LSAMP: variants seen among roughly 807,000 people sequenced by gnomAD.
LSAMP encodes the protein limbic system-associated membrane protein.
A neutral mutation model predicts 38.6 loss-of-function variants in LSAMP; 7 were observed. That is an observed-to-expected ratio of 0.18 (90% CI 0.10 to 0.34). The LOEUF (loss-of-function observed/expected upper bound fraction) is 0.34. Among genes scored for constraint, LSAMP ranks in the 10% least tolerant of loss-of-function variants. The pLI, the probability that LSAMP is intolerant of heterozygous loss-of-function variation, is 1.00. For missense variants in LSAMP, 313 were observed against 420.0 expected (o/e 0.75, Z 2.23); for synonymous variants, 154 against 166.8 (o/e 0.92, Z 0.59).
intron 1 of LSAMP, among the ~76,000 whole-genome samples, chr3:116,268,453 G>C (rs2046922766): frequency 1.3e-5 from 2 of 152,040 alleles, no homozygotes; most frequent in African/African-American, 4.8e-5. Flanking sequence ...CTGAGGCATG[G>C]ACGGGGGATG....
chr3:116,387,403 A>G (rs1243733654), intron 1 of LSAMP, among the ~76,000 whole-genome samples: 1 of 152,228 alleles, frequency 6.6e-6, no homozygotes, highest in Non-Finnish European at 1.5e-5. Context: ...AACATCTAAT[A>G]TATACAGAGG....
intron 3 of LSAMP, among the ~76,000 whole-genome samples, chr3:116,012,800 C>T (rs1259660417): frequency 2.6e-5 from 4 of 152,054 alleles, no homozygotes; most frequent in Admixed American, 6.6e-5. Context: ...ACTATAGTTA[C>T]AATAAATAAT....
intron 3 of LSAMP, among the ~76,000 whole-genome samples, chr3:115,956,860 C>A (rs1041436917): frequency 6.6e-6 from 1 of 152,092 alleles, no homozygotes; most frequent in African/African-American, 2.4e-5. Flanking sequence ...GATTTAGGAT[C>A]TTCATCTCTT....
chr3:115,973,053 T>C (rs540248113), intron 3 of LSAMP, among the ~76,000 whole-genome samples: 1 of 152,184 alleles, frequency 6.6e-6, no homozygotes, highest in East Asian at 1.9e-4. Context: ...AAATGCGGTA[T>C]TGGATCTTTG....
intron 1 of LSAMP, among the ~76,000 whole-genome samples, chr3:116,303,269 A>G (rs1296402560): frequency 6.6e-6 from 1 of 152,154 alleles, no homozygotes; most frequent in African/African-American, 2.4e-5. Flanking sequence ...GATTTTTTTT[A>G]GAAAATTGCC....
At chr3:115,943,981 G>A (rs1938015660) in intron 3 of LSAMP, among the ~76,000 whole-genome samples, 1 of 152,102 alleles carries the variant, frequency 6.6e-6, no homozygotes, top group Admixed American at 6.6e-5. Flanking sequence ...AAAATCCAGG[G>A]ATTCCTTAAG....
intron 3 of LSAMP, among the ~76,000 whole-genome samples, chr3:115,880,202 T>C (rs1427645023): frequency 2.0e-5 from 3 of 151,992 alleles, no homozygotes; most frequent in African/African-American, 7.2e-5. Context: ...GAGAGAAAAA[T>C]GACTTAGGCT....
intron 1 of LSAMP, among the ~76,000 whole-genome samples, chr3:116,191,093 C>T (rs1033044346): frequency 1.3e-5 from 2 of 152,030 alleles, no homozygotes; most frequent in African/African-American, 4.8e-5. Context: ...CGTGGTGACT[C>T]GTGCCTGTAG....
intron 1 of LSAMP, among the ~76,000 whole-genome samples, chr3:116,311,560 T>C (rs1474405411): frequency 6.6e-6 from 1 of 152,194 alleles, no homozygotes; most frequent in Non-Finnish European, 1.5e-5. Flanking sequence ...GTATCTGTGT[T>C]TGAGCTCCAT....
intron 3 of LSAMP, among the ~76,000 whole-genome samples, chr3:115,986,913 T>G (rs1939525905): frequency 6.6e-6 from 1 of 152,144 alleles, no homozygotes; most frequent in Non-Finnish European, 1.5e-5. Context: ...ATATATGTGA[T>G]GAAGAGGGGA....
intron 1 of LSAMP, among the ~76,000 whole-genome samples, chr3:116,162,479 T>C (rs1709911270): frequency 6.6e-6 from 1 of 152,160 alleles, no homozygotes; most frequent in South Asian, 2.1e-4. Flanking sequence ...ACTCACTTTG[T>C]TATCAGAGTT....
intron 1 of LSAMP, among the ~76,000 whole-genome samples, chr3:116,209,713 T>A (rs1291343463): frequency 2.0e-5 from 3 of 152,258 alleles, no homozygotes; most frequent in Admixed American, 2.0e-4. Context: ...GGGTCTCTGA[T>A]TGAACAAATA....
At chr3:116,160,034 C>T (rs62269187) in intron 1 of LSAMP, among the ~76,000 whole-genome samples, 37,513 of 152,014 alleles carry the variant, frequency 0.25, 4,671 homozygotes, top group Admixed American at 0.29. Flanking sequence ...AATGAGTACA[C>T]ATGGACACAA....
At chr3:115,996,875 C>A (rs1291749391) in intron 3 of LSAMP, among the ~76,000 whole-genome samples, 1 of 152,068 alleles carries the variant, frequency 6.6e-6, no homozygotes, top group African/African-American at 2.4e-5. Flanking sequence ...ATTGTCTTCC[C>A]AACTGGGAGT....
intron 3 of LSAMP, among the ~76,000 whole-genome samples, chr3:115,856,996 A>C (rs1196662982): frequency 6.6e-6 from 1 of 152,208 alleles, no homozygotes. Flanking sequence ...ATAAAACTCC[A>C]CTGCCTTTTA....
chr3:116,269,181 A>T (rs1028343383), intron 1 of LSAMP, among the ~76,000 whole-genome samples: 5 of 152,134 alleles, frequency 3.3e-5, no homozygotes, highest in Admixed American at 2.6e-4. Context: ...TGAAGAGATA[A>T]GTGAAAGAAT....
chr3:116,230,434 A>C (rs771306692), intron 1 of LSAMP, among the ~76,000 whole-genome samples: 2 of 152,204 alleles, frequency 1.3e-5, no homozygotes, highest in Admixed American at 6.5e-5. Context: ...TCATACTGCT[A>C]TGCTATTGTA....
intron 1 of LSAMP, among the ~76,000 whole-genome samples, chr3:116,266,489 G>A (rs2046893663): frequency 6.6e-6 from 1 of 152,150 alleles, no homozygotes; most frequent in African/African-American, 2.4e-5. Context: ...TTGATTTACA[G>A]GAGACCACAG....
At chr3:116,297,173 G>C (rs895921999) in intron 1 of LSAMP, among the ~76,000 whole-genome samples, 7 of 152,118 alleles carry the variant, frequency 4.6e-5, no homozygotes, top group African/African-American at 1.7e-4. Flanking sequence ...TATTTAAATT[G>C]AAAACAGGTG....
Sources: gnomAD v4.1 joint callset for allele counts (sites outside exome capture counted in the v4.1 genomes callset) on GRCh38, gnomAD v4.1.1 for gene constraint, MANE v1.5 for transcripts, NCBI Gene and HGNC (gene_info 2026-07-23, HGNC 2026-07-21) for gene names.